STK33: variants seen among roughly 807,000 people sequenced by gnomAD.
STK33 encodes the protein serine/threonine-protein kinase 33.
Under a neutral mutation model 58.0 loss-of-function variants are expected in STK33, and 52 were observed. The observed-to-expected ratio is 0.90, with a 90% CI of 0.72 to 1.13. The LOEUF (loss-of-function observed/expected upper bound fraction) is 1.13, where lower values mean the gene tolerates loss of function less well. STK33 is among the 50% of genes most tolerant of loss of function. The pLI is 0.00. For missense variants in STK33, 630 were observed against 604.2 expected (o/e 1.04, Z -0.45); for synonymous variants, 215 against 200.1 (o/e 1.07, Z -0.63).
At chr11:8,364,715 C>T in the STK33 span, among the ~76,000 whole-genome samples, 1 of 152,138 alleles carries the variant, frequency 6.6e-6, no homozygotes, top group African/African-American at 2.4e-5. Context: ...TGTCTATGTA[C>T]GTAGTTTGTT....
the STK33 span, among the ~76,000 whole-genome samples, chr11:8,358,841 CAT>C: frequency 7.2e-5 from 11 of 152,302 alleles, no homozygotes; most frequent in African/African-American, 1.4e-4. Context: ...TACCTTCCCA[CAT>C]AGTTATTAAT....
At chr11:8,566,410 G>A (rs942637866) in intron 1 of STK33, among the ~76,000 whole-genome samples, 1 of 152,080 alleles carries the variant, frequency 6.6e-6, no homozygotes, top group African/African-American at 2.4e-5. Flanking sequence ...TACTCTCCAG[G>A]TATATTTTAA....
In STK33 at chr11:8,415,827, G is replaced by A. The variant is rs191235065; in HGVS notation, c.1147-2135C>T. Among the ~76,000 whole-genome samples, 179 of 152,146 alleles carry A rather than the reference G, an allele frequency of 1.2e-3. 2 individuals are homozygous for A. Among genetic ancestry groups the A allele is most frequent in the Middle Eastern group, 6.8e-3 (2 of 294 alleles). On this transcript the variant is annotated intron_variant, in intron 14 of 15. Coordinates refer to ENST00000687296, the MANE Select transcript of STK33 (RefSeq NM_001352389.2). ...GCTCATTTATTTAGGCAGTTCTTGC[G>A]CTGCACAGTCCTGATATGCCTGAAT...
intron 1 of STK33, among the ~76,000 whole-genome samples, chr11:8,487,991 T>C (rs1950307237): frequency 6.6e-6 from 1 of 152,174 alleles, no homozygotes; most frequent in Admixed American, 6.5e-5. Flanking sequence ...ATAAAAATAA[T>C]CGTGAAAAGT....
At chr11:8,581,688 T>G (rs999456511) in intron 1 of STK33, among the ~76,000 whole-genome samples, 11 of 152,254 alleles carry the variant, frequency 7.2e-5, no homozygotes, top group Non-Finnish European at 1.6e-4. Context: ...TTCCCCTATG[T>G]GATTAATTTA....
intron 1 of STK33, among the ~76,000 whole-genome samples, chr11:8,578,895 A>T (rs1342208565): frequency 2.0e-5 from 3 of 152,024 alleles, no homozygotes; most frequent in Non-Finnish European, 4.4e-5. Context: ...AAGTTCTCCA[A>T]GCCCCAGTTT....
chr11:8,507,385 G>A (rs932788560), intron 1 of STK33, among the ~76,000 whole-genome samples: 1 of 152,190 alleles, frequency 6.6e-6, no homozygotes. Flanking sequence ...GCACCTTCTA[G>A]AGGCTTATGA....
chr11:8,356,957 G>A, the STK33 span, among the ~76,000 whole-genome samples: 2 of 152,194 alleles, frequency 1.3e-5, no homozygotes, highest in South Asian at 4.1e-4. Context: ...AGCCGTCCCT[G>A]AAGTGGGGCG....
chr11:8,342,923 T>A, the STK33 span, among the ~76,000 whole-genome samples: 1 of 152,242 alleles, frequency 6.6e-6, no homozygotes, highest in Non-Finnish European at 1.5e-5. Context: ...GAAAGTGCGA[T>A]GAGCCAGGGA....
At chr11:8,476,922 G>A (rs1196047551) in intron 3 of STK33, among the ~76,000 whole-genome samples, 171 bp from the exon 4 acceptor site, 1 of 152,058 alleles carries the variant, frequency 6.6e-6, no homozygotes, top group East Asian at 1.9e-4. Context: ...CCTAAATGCT[G>A]TACTTACATT....
At chr11:8,454,659 A>C (rs962719228) in intron 10 of STK33, 85 bp downstream of exon 10, 19 of 1,426,282 alleles carry the variant, frequency 1.3e-5, no homozygotes, top group Non-Finnish European at 1.7e-5. Context: ...AAAGCTAGCA[A>C]CATGTGTCTA....
chr11:8,353,618 C>T, the STK33 span, among the ~76,000 whole-genome samples: 1 of 152,172 alleles, frequency 6.6e-6, no homozygotes, highest in South Asian at 2.1e-4. Flanking sequence ...CCTCTTTCCC[C>T]ACCTTAAGTT....
chr11:8,536,462 C>T (rs1201843198), intron 1 of STK33, among the ~76,000 whole-genome samples: 1 of 152,154 alleles, frequency 6.6e-6, no homozygotes, highest in Middle Eastern at 3.2e-3. Context: ...GGTCAAGGAA[C>T]TTCACAATGG....
At chr11:8,585,398 T>C (rs964764128) in intron 1 of STK33, among the ~76,000 whole-genome samples, 10 of 150,144 alleles carry the variant, frequency 6.7e-5, no homozygotes, top group African/African-American at 2.2e-4. Context: ...CTAATTTTTG[T>C]ATTTTTAGTA....
intron 1 of STK33, among the ~76,000 whole-genome samples, chr11:8,499,562 C>T (rs1224876094): frequency 1.3e-5 from 2 of 152,120 alleles, no homozygotes; most frequent in Non-Finnish European, 2.9e-5. Context: ...CCAGCAATCC[C>T]ATTACTGGGT....
intron 1 of STK33, among the ~76,000 whole-genome samples, chr11:8,487,480 G>T (rs1318532651): frequency 6.6e-6 from 1 of 150,794 alleles, no homozygotes; most frequent in East Asian, 1.9e-4. Context: ...CATAGAAAAG[G>T]CACCTGAAGT....
chr11:8,456,658 A>G (rs550993639), intron 9 of STK33, among the ~76,000 whole-genome samples: 2 of 152,326 alleles, frequency 1.3e-5, no homozygotes, highest in East Asian at 3.9e-4. Flanking sequence ...CCTCGAAGGA[A>G]AAAAACGGGG....
At chr11:8,447,170 C>T (rs1424725145) in intron 11 of STK33, among the ~76,000 whole-genome samples, 1 of 152,146 alleles carries the variant, frequency 6.6e-6, no homozygotes, top group Non-Finnish European at 1.5e-5. Flanking sequence ...AGACACTTTT[C>T]AAAAGAAGAC....
chr11:8,511,063 T>C (rs1391223606), intron 1 of STK33, among the ~76,000 whole-genome samples: 2 of 152,186 alleles, frequency 1.3e-5, no homozygotes, highest in Non-Finnish European at 2.9e-5. Context: ...GCACTGAATC[T>C]GTAGATTGCT....
Sources: allele counts gnomAD v4.1 joint callset (sites outside exome capture counted in the v4.1 genomes callset), GRCh38; gene constraint gnomAD v4.1.1; transcripts MANE v1.5; gene names NCBI Gene and HGNC (gene_info 2026-07-23, HGNC 2026-07-21).